The following CCDC60 variants were observed in gnomAD, a reference collection of about 807,000 sequenced individuals.
CCDC60 encodes coiled-coil domain-containing protein 60.
Under a neutral mutation model 63.5 loss-of-function variants are expected in CCDC60, and 54 were observed. The ratio of observed to expected loss-of-function variants is 0.85; its 90% CI spans 0.68 to 1.07. The LOEUF is 1.07. Among genes scored for constraint, CCDC60 ranks in the 50% least tolerant of loss-of-function variants. CCDC60 has a pLI of 0.00. For synonymous variants in CCDC60, 206 were observed against 238.8 expected (o/e 0.86, Z 1.27); for missense variants, 651 against 684.3 (o/e 0.95, Z 0.54).
At chr12:119,424,526 G>A (rs1470344071) in intron 1 of CCDC60, among the ~76,000 whole-genome samples, 4 of 152,230 alleles carry the variant, frequency 2.6e-5, no homozygotes, top group Admixed American at 2.6e-4. Flanking sequence ...TCCTTGGCTG[G>A]GGCAAGAGGA....
chr12:119,439,036 C>T (rs1950381440), intron 2 of CCDC60, among the ~76,000 whole-genome samples: 1 of 151,446 alleles, frequency 6.6e-6, no homozygotes, highest in African/African-American at 2.4e-5. Flanking sequence ...GCATCTTCTG[C>T]TCTCCAGGCT....
chr12:119,374,314 C>A (rs1955929492), intron 1 of CCDC60, among the ~76,000 whole-genome samples: 1 of 152,106 alleles, frequency 6.6e-6, no homozygotes, highest in Admixed American at 6.6e-5. Flanking sequence ...CCATGGCAGC[C>A]ATGAAGAAAT....
chr12:119,501,767 G>C (rs909658105), intron 6 of CCDC60, among the ~76,000 whole-genome samples: 1 of 152,164 alleles, frequency 6.6e-6, no homozygotes. Flanking sequence ...GAGGGGAGGG[G>C]GAGAATGAAT....
intron 3 of CCDC60, among the ~76,000 whole-genome samples, chr12:119,477,757 C>A (rs1951206979): frequency 6.6e-6 from 1 of 152,218 alleles, no homozygotes. Flanking sequence ...ACACCTCATT[C>A]AAAGCAGTCT....
intron 5 of CCDC60, among the ~76,000 whole-genome samples, chr12:119,496,192 T>A (rs1401530464): frequency 6.6e-6 from 1 of 152,164 alleles, no homozygotes; most frequent in Non-Finnish European, 1.5e-5. Context: ...CCCTCCGTCA[T>A]GGACATATGA....
chr12:119,474,732 C>T (rs936255210), intron 3 of CCDC60, among the ~76,000 whole-genome samples: 29 of 152,096 alleles, frequency 1.9e-4, no homozygotes, highest in African/African-American at 5.6e-4. Context: ...TCAGGCCAGG[C>T]GTGGTGGCTC....
At chr12:119,373,207 G>A (rs1446435953) in intron 1 of CCDC60, among the ~76,000 whole-genome samples, 1 of 152,082 alleles carries the variant, frequency 6.6e-6, no homozygotes, top group Non-Finnish European at 1.5e-5. Flanking sequence ...ATGCTAAATG[G>A]GGAGCTCAGA....
At chr12:119,454,247 A>T (rs372908117) in intron 2 of CCDC60, among the ~76,000 whole-genome samples, 1 of 152,180 alleles carries the variant, frequency 6.6e-6, no homozygotes, top group South Asian at 2.1e-4. Flanking sequence ...TGGTCAGACT[A>T]TTTGACTTCT....
intron 1 of CCDC60, among the ~76,000 whole-genome samples, chr12:119,395,399 T>C (rs1017430124): frequency 6.6e-6 from 1 of 152,156 alleles, no homozygotes; most frequent in African/African-American, 2.4e-5. Context: ...AGGAAACTTA[T>C]AACCATGGCA....
intron 11 of CCDC60, among the ~76,000 whole-genome samples, 200 bp from the exon 12 acceptor site, chr12:119,528,415 C>A (rs1384249637): frequency 1.3e-5 from 2 of 152,104 alleles, no homozygotes; most frequent in Non-Finnish European, 2.9e-5. Context: ...TTTAACTGTG[C>A]TTAAGTAGTG....
chr12:119,514,190 TC>T lies in CCDC60; in HGVS notation c.884-2431del, dbSNP rs531893590. ...TCCTTTTCTTTTTTCTTTTTTTTTT[TC>T]CTGAGACAAAGTTTCGCTCATGTTG... On this transcript the variant is annotated intron_variant, in intron 7 of 13. Transcript: ENST00000327554. Among the ~76,000 whole-genome samples the T allele has an allele frequency of 5.0e-3, 759 of 152,046 alleles. 1 individual carries two copies. Among genetic ancestry groups the T allele is most frequent in the Non-Finnish European group, 7.2e-3 (490 of 67,966 alleles).
Position 119,396,505 on chromosome 12 carries a change from C to A in CCDC60, c.91-32178C>A, listed in dbSNP as rs557246620. Reference sequence around the variant, plus strand: ...GCAGTGGAACAGGGACCCACTATCACAACAAGGGCTTTGGTGTGGGCCCTT... The same window carrying A: ...GCAGTGGAACAGGGACCCACTATCAAAACAAGGGCTTTGGTGTGGGCCCTT... On this transcript the variant is annotated intron_variant, in intron 1 of 13. Coordinates refer to ENST00000327554, the MANE Select transcript of CCDC60 (RefSeq NM_178499.5). Among the ~76,000 whole-genome samples, 3 of 152,100 alleles carry A rather than the reference C, an allele frequency of 2.0e-5. No homozygotes were observed. In the South Asian group the frequency reaches 6.2e-4, roughly 32 times the overall value.
At chr12:119,497,061 T>G (rs991903032) in intron 5 of CCDC60, among the ~76,000 whole-genome samples, 1 of 152,128 alleles carries the variant, frequency 6.6e-6, no homozygotes, top group Admixed American at 6.5e-5. Context: ...GCTTCCACCA[T>G]CAACGAGGCA....
At chr12:119,524,470 C>A in intron 11 of CCDC60, 2 of 983,510 alleles carry the variant, frequency 2.0e-6, no homozygotes, top group Non-Finnish European at 2.4e-6. Flanking sequence ...GCCCGTTGCA[C>A]TCTCATTTTC....
At chr12:119,508,822 T>C (rs1052195964) in intron 7 of CCDC60, among the ~76,000 whole-genome samples, 4 of 152,166 alleles carry the variant, frequency 2.6e-5, no homozygotes, top group African/African-American at 9.7e-5. Context: ...ATTGGTGTTA[T>C]ATCCATGTCT....
rs769090273 is a variant in CCDC60 at position 119,514,697 on chromosome 12, T to C, written c.884-1926T>C. Among the ~76,000 whole-genome samples, 6 of 152,192 alleles carry C rather than the reference T, an allele frequency of 3.9e-5. No individual in the cohort carries two copies. The East Asian group carries it at 5.8e-4, about 15-fold the overall frequency. On this transcript the variant is annotated intron_variant, in intron 7 of 13. Transcript: ENST00000327554. Reference sequence around the variant, plus strand: ...ACAGTAAGCTAAGTTTAATTTATTATTGAAGAAAGAAAAATATTTTTAGTA... The same window carrying C: ...ACAGTAAGCTAAGTTTAATTTATTACTGAAGAAAGAAAAATATTTTTAGTA...
intron 1 of CCDC60, among the ~76,000 whole-genome samples, chr12:119,387,777 A>T (rs978418132): frequency 6.6e-6 from 1 of 152,168 alleles, no homozygotes; most frequent in Non-Finnish European, 1.5e-5. Context: ...GGCTGCCTCA[A>T]ATTCCATAGT....
At chr12:119,404,375 C>T (rs4767817) in intron 1 of CCDC60, among the ~76,000 whole-genome samples, 21,338 of 151,042 alleles carry the variant, frequency 0.14, 2,197 homozygotes, top group East Asian at 0.57. Context: ...CCTCCAGCTC[C>T]CTCACTCCCA....
intron 2 of CCDC60, among the ~76,000 whole-genome samples, chr12:119,443,662 C>T (rs1023212429): frequency 1.3e-5 from 2 of 152,224 alleles, no homozygotes; most frequent in African/African-American, 2.4e-5. Flanking sequence ...AATTTCCTCA[C>T]GGCTCTATTC....
Sources: gnomAD v4.1 joint callset for allele counts (sites outside exome capture counted in the v4.1 genomes callset) on GRCh38, gnomAD v4.1.1 for gene constraint, MANE v1.5 for transcripts, NCBI Gene and HGNC (gene_info 2026-07-23, HGNC 2026-07-21) for gene names.